Variants in SAMD4A observed in about 807,000 individuals in gnomAD.
SAMD4A encodes the protein sterile alpha motif domain containing 4A.
SAMD4A carries 33 observed loss-of-function variants against 81.3 expected under a neutral mutation model. The ratio of observed to expected loss-of-function variants is 0.41; its 90% CI spans 0.31 to 0.54. The LOEUF (loss-of-function observed/expected upper bound fraction) is 0.54, where lower values mean the gene tolerates loss of function less well. Ranked by LOEUF, SAMD4A falls within the 20% of genes least tolerant of loss-of-function variation. SAMD4A has a pLI of 0.37. For synonymous variants in SAMD4A, 389 were observed against 382.1 expected (o/e 1.02, Z -0.21); for missense variants, 854 against 951.1 (o/e 0.90, Z 1.34).
chr14:54,735,871 G>A (rs2037679049), intron 3 of SAMD4A, among the ~76,000 whole-genome samples: 1 of 152,208 alleles, frequency 6.6e-6, no homozygotes, highest in South Asian at 2.1e-4. Context: ...CCACAAAGAA[G>A]TGCTCATCTA....
chr14:54,586,278 G>A (rs942839822), intron 2 of SAMD4A, among the ~76,000 whole-genome samples: 1 of 152,020 alleles, frequency 6.6e-6, no homozygotes, highest in African/African-American at 2.4e-5. Context: ...GGGATTGTTT[G>A]TTTTCTTCTT....
chr14:54,749,959 G>A (rs1327087756), intron 5 of SAMD4A, among the ~76,000 whole-genome samples: 1 of 152,156 alleles, frequency 6.6e-6, no homozygotes. Flanking sequence ...CTCCCAATAT[G>A]GAGACACAAC....
intron 3 of SAMD4A, among the ~76,000 whole-genome samples, chr14:54,707,633 T>A (rs1001192493): frequency 5.3e-5 from 8 of 152,060 alleles, no homozygotes; most frequent in African/African-American, 1.9e-4. Context: ...AAGGGTAGGA[T>A]CAGGCCTATG....
At chr14:54,708,269 T>A (rs1175807486) in intron 3 of SAMD4A, among the ~76,000 whole-genome samples, 1 of 152,248 alleles carries the variant, frequency 6.6e-6, no homozygotes, top group Non-Finnish European at 1.5e-5. Context: ...AGGACTCCAG[T>A]GCTTTTTGCC....
intron 4 of SAMD4A, among the ~76,000 whole-genome samples, chr14:54,748,380 A>G (rs1323859555): frequency 6.6e-6 from 1 of 152,228 alleles, no homozygotes; most frequent in African/African-American, 2.4e-5. Context: ...TAGCTCTAAC[A>G]TTCGAAGCCA....
intron 2 of SAMD4A, chr14:54,688,208 G>A (rs1052944143): frequency 2.0e-6 from 2 of 985,310 alleles, no homozygotes; most frequent in South Asian, 4.7e-5. Flanking sequence ...AGAGAATTTT[G>A]CTCCTGTTAC....
In SAMD4A at chr14:54,731,075, C is replaced by T. The variant is rs547655330; in HGVS notation, c.716-5949C>T. Among the ~76,000 whole-genome samples the T allele has an allele frequency of 7.9e-5, 12 of 152,206 alleles. No homozygotes were observed. In the East Asian group the frequency reaches 2.3e-3, roughly 29 times the overall value. ...TTAGATGCTCTGAAACTGGTGTTAT[C>T]GAAAAAATTTGTGGGATAGAAACTG... On this transcript the variant is annotated intron_variant, in intron 3 of 12. Coordinates refer to ENST00000554335, the MANE Select transcript of SAMD4A (RefSeq NM_015589.6).
chr14:54,772,806 C>G (rs990851786), intron 9 of SAMD4A, among the ~76,000 whole-genome samples: 1 of 149,528 alleles, frequency 6.7e-6, no homozygotes, highest in Admixed American at 6.9e-5. Flanking sequence ...GACTAGTTTT[C>G]GTCATTAAAA....
chr14:54,621,126 G>A (rs973278059), intron 2 of SAMD4A, among the ~76,000 whole-genome samples: 6 of 152,130 alleles, frequency 3.9e-5, no homozygotes, highest in African/African-American at 1.4e-4. Context: ...AGGGCTGTTT[G>A]GTAGGCACGA....
intron 4 of SAMD4A, 53 bp from the exon 5 acceptor site, chr14:54,748,762 C>G (rs1004969429): frequency 1.6e-6 from 2 of 1,250,748 alleles, no homozygotes; most frequent in African/African-American, 3.0e-5. Flanking sequence ...CTCGTCATCT[C>G]TTCTCATTCC....
intron 2 of SAMD4A, among the ~76,000 whole-genome samples, chr14:54,643,314 A>C (rs190075131): frequency 1.8e-3 from 276 of 152,342 alleles, no homozygotes; most frequent in African/African-American, 6.4e-3. Flanking sequence ...CTCAATACAA[A>C]CAAACTGCCT....
At chr14:54,648,141 C>T (rs755424799) in intron 2 of SAMD4A, among the ~76,000 whole-genome samples, 12 of 152,198 alleles carry the variant, frequency 7.9e-5, no homozygotes, top group Non-Finnish European at 1.3e-4. Context: ...GACTCCCTGG[C>T]ACCTGTACAT....
At chr14:54,774,886 G>A (rs1007702532) in intron 9 of SAMD4A, 48 bp from the exon 10 acceptor site, 8 of 1,596,240 alleles carry the variant, frequency 5.0e-6, no homozygotes, top group Admixed American at 1.7e-5. Flanking sequence ...GCTTAAAAAG[G>A]GCTGAATAAC....
chr14:54,654,977 G>A (rs2035486790), intron 2 of SAMD4A, among the ~76,000 whole-genome samples: 1 of 152,214 alleles, frequency 6.6e-6, no homozygotes, highest in South Asian at 2.1e-4. Flanking sequence ...ACATAAATTA[G>A]GCTGGATGAC....
chr14:54,698,699 T>G (rs749836179), intron 2 of SAMD4A, among the ~76,000 whole-genome samples: 2 of 152,212 alleles, frequency 1.3e-5, no homozygotes, highest in Admixed American at 1.3e-4. Context: ...CTGATTTCTG[T>G]GTTCCCAGTG....
chr14:54,690,498 A>C (rs1008432942), intron 2 of SAMD4A, among the ~76,000 whole-genome samples: 2 of 151,718 alleles, frequency 1.3e-5, no homozygotes, highest in African/African-American at 4.8e-5. Context: ...TAGAAGATGG[A>C]TTCTACTCCT....
At chr14:54,574,752 G>A (rs11626634) in intron 2 of SAMD4A, among the ~76,000 whole-genome samples, 23,210 of 152,122 alleles carry the variant, frequency 0.15, 2,507 homozygotes, top group African/African-American at 0.3. Flanking sequence ...TCTAACTAGC[G>A]TTGAGCAATA....
intron 2 of SAMD4A, among the ~76,000 whole-genome samples, chr14:54,576,747 C>G (rs2033309242): frequency 6.6e-6 from 1 of 152,182 alleles, no homozygotes; most frequent in Non-Finnish European, 1.5e-5. Context: ...CTCTTATTTC[C>G]TGATGAATTA....
intron 4 of SAMD4A, among the ~76,000 whole-genome samples, chr14:54,741,530 GACTAA>G (rs928776447): frequency 1.6e-4 from 24 of 152,176 alleles, no homozygotes; most frequent in African/African-American, 5.6e-4. Context: ...AGAAACTTTG[GACTAA>G]CTAGTTTCTG....
Sources: allele counts gnomAD v4.1 joint callset (sites outside exome capture counted in the v4.1 genomes callset), GRCh38; gene constraint gnomAD v4.1.1; transcripts MANE v1.5; gene names NCBI Gene and HGNC (gene_info 2026-07-23, HGNC 2026-07-21).